The following SH3PXD2A variants were observed in gnomAD, a reference collection of about 807,000 sequenced individuals.
The protein encoded by SH3PXD2A is SH3 and PX domains 2A, also known as SH3 and PX domain-containing protein 2A.
Under a neutral mutation model 115.2 loss-of-function variants are expected in SH3PXD2A, and 32 were observed. The ratio of observed to expected loss-of-function variants is 0.28; its 90% confidence interval spans 0.21 to 0.37. The LOEUF (loss-of-function observed/expected upper bound fraction) is 0.37. SH3PXD2A is among the 10% of genes least tolerant of loss of function. The pLI is 1.00. For synonymous variants in SH3PXD2A, 610 were observed against 629.1 expected (o/e 0.97, Z 0.45); for missense variants, 1,328 against 1,498.7 (o/e 0.89, Z 1.88).
intron 3 of SH3PXD2A, among the ~76,000 whole-genome samples, chr10:103,764,078 G>T (rs1375238755): frequency 6.6e-6 from 1 of 152,188 alleles, no homozygotes; most frequent in Non-Finnish European, 1.5e-5. Context: ...CCTAAGACAG[G>T]CAATGTTCAT....
chr10:103,797,808 G>A (rs1254041945), intron 2 of SH3PXD2A, among the ~76,000 whole-genome samples: 1 of 152,118 alleles, frequency 6.6e-6, no homozygotes, highest in Admixed American at 6.6e-5. Context: ...CAAAGAGTGT[G>A]GGGTTTCTGT....
intron 3 of SH3PXD2A, among the ~76,000 whole-genome samples, chr10:103,747,295 G>A (rs1399024513): frequency 6.6e-6 from 1 of 152,194 alleles, no homozygotes; most frequent in African/African-American, 2.4e-5. Flanking sequence ...TTAGCTCAGA[G>A]GCCGGCATCA....
At chr10:103,840,257 A>G (rs577809010) in intron 1 of SH3PXD2A, among the ~76,000 whole-genome samples, 6 of 152,288 alleles carry the variant, frequency 3.9e-5, no homozygotes, top group East Asian at 3.9e-4. Context: ...GGAATGGTCT[A>G]GGTGTCAAAA....
chr10:103,670,515 C>T (rs1019664705), intron 6 of SH3PXD2A, among the ~76,000 whole-genome samples: 1 of 152,150 alleles, frequency 6.6e-6, no homozygotes, highest in Admixed American at 6.5e-5. Context: ...TCTGGGGACA[C>T]CCAGAAAATC....
At chr10:103,650,808 G>A (rs1010049833) in intron 8 of SH3PXD2A, among the ~76,000 whole-genome samples, 11 of 152,228 alleles carry the variant, frequency 7.2e-5, no homozygotes, top group Non-Finnish European at 1.5e-4. Context: ...GGTGCAGAGT[G>A]AAAATGACTG....
chr10:103,837,925 G>A (rs1029235714), intron 1 of SH3PXD2A, among the ~76,000 whole-genome samples: 4 of 152,042 alleles, frequency 2.6e-5, no homozygotes, highest in Admixed American at 2.6e-4. Context: ...CCGCCTCTTG[G>A]GGCCCTCGCC....
In SH3PXD2A at chr10:103,771,780, C is replaced by T. The variant is rs545695893; in HGVS notation, c.154-4611G>A. Among the ~76,000 whole-genome samples, 5 of 149,806 alleles carry T rather than the reference C, an allele frequency of 3.3e-5. No individual in the cohort carries two copies. The East Asian group carries it at 7.8e-4, about 23-fold the overall frequency. ...ACACACACACACACACACACACACA[C>T]AGACACACACATACCCTGCAGCCTT... On this transcript the variant is annotated intron_variant, in intron 2 of 14. Transcript: ENST00000369774.
intron 13 of SH3PXD2A, 123 bp from the exon 14 acceptor site, chr10:103,606,040 G>T: frequency 1.1e-6 from 1 of 935,796 alleles, no homozygotes; most frequent in Non-Finnish European, 1.6e-6. Flanking sequence ...CTGGACAGCA[G>T]CTGGCCTGAG....
intron 1 of SH3PXD2A, among the ~76,000 whole-genome samples, chr10:103,848,829 G>A (rs1398250452): frequency 2.0e-5 from 3 of 151,894 alleles, no homozygotes; most frequent in Non-Finnish European, 4.4e-5. Flanking sequence ...GATTGTGAAA[G>A]CAAATACTTA....
intron 2 of SH3PXD2A, among the ~76,000 whole-genome samples, chr10:103,770,169 A>G (rs930909876): frequency 6.6e-6 from 1 of 152,214 alleles, no homozygotes; most frequent in Non-Finnish European, 1.5e-5. Context: ...TTCACACTAT[A>G]TAATGAACAT....
At chr10:103,842,251 G>GCTATT (rs1554929500) in intron 1 of SH3PXD2A, among the ~76,000 whole-genome samples, 1 of 151,650 alleles carries the variant, frequency 6.6e-6, no homozygotes, top group Non-Finnish European at 1.5e-5. Context: ...GACCTATTTT[G>GCTATT]TTATTGTATT....
chr10:103,770,100 ATATC>A (rs1250811090), intron 2 of SH3PXD2A, among the ~76,000 whole-genome samples: 5 of 152,200 alleles, frequency 3.3e-5, no homozygotes, highest in Non-Finnish European at 5.9e-5. Context: ...ATATTTTGGG[ATATC>A]TATCTTTGCT....
At chr10:103,705,260 T>A (rs1041608725) in intron 5 of SH3PXD2A, among the ~76,000 whole-genome samples, 1 of 151,870 alleles carries the variant, frequency 6.6e-6, no homozygotes, top group Non-Finnish European at 1.5e-5. Flanking sequence ...CTTGTGCCCA[T>A]GAACCCCAAA....
intron 3 of SH3PXD2A, among the ~76,000 whole-genome samples, chr10:103,763,069 C>A (rs1196842884): frequency 6.6e-6 from 1 of 152,166 alleles, no homozygotes; most frequent in Non-Finnish European, 1.5e-5. Context: ...ACCATTACAC[C>A]ACCCAGACAT....
intron 13 of SH3PXD2A, among the ~76,000 whole-genome samples, chr10:103,610,556 A>C (rs1024675854): frequency 2.0e-5 from 3 of 152,160 alleles, no homozygotes; most frequent in Non-Finnish European, 4.4e-5. Context: ...ATTTTTATGG[A>C]GGGCCTACTC....
At chr10:103,782,827 CAAAAAA>C (rs1177829829) in intron 2 of SH3PXD2A, among the ~76,000 whole-genome samples, 7 of 45,392 alleles carry the variant, frequency 1.5e-4, no homozygotes, top group South Asian at 8.0e-4. Context: ...TCCATCTCTC[CAAAAAA>C]AAAAAAAAAA....
intron 6 of SH3PXD2A, among the ~76,000 whole-genome samples, chr10:103,682,209 C>T (rs1420048523): frequency 6.6e-6 from 1 of 152,214 alleles, no homozygotes; most frequent in Non-Finnish European, 1.5e-5. Flanking sequence ...ACGCCCCTGC[C>T]CCCTCCCCGC....
At chr10:103,834,496 G>C (rs1196939036) in intron 1 of SH3PXD2A, among the ~76,000 whole-genome samples, 1 of 152,216 alleles carries the variant, frequency 6.6e-6, no homozygotes, top group South Asian at 2.1e-4. Context: ...GAAATTGACT[G>C]TGGTGGCTGT....
At chr10:103,664,356 T>C (rs546980449) in intron 7 of SH3PXD2A, among the ~76,000 whole-genome samples, 2 of 152,348 alleles carry the variant, frequency 1.3e-5, no homozygotes, top group African/African-American at 4.8e-5. Flanking sequence ...CAGTGCTGAC[T>C]TGGAGGCATC....
Sources: gnomAD v4.1 joint callset for allele counts (sites outside exome capture counted in the v4.1 genomes callset) on GRCh38, gnomAD v4.1.1 for gene constraint, MANE v1.5 for transcripts, NCBI Gene and HGNC (gene_info 2026-07-23, HGNC 2026-07-21) for gene names.